Variants in PCDHGA11 observed in about 807,000 individuals in gnomAD.
The protein encoded by PCDHGA11 is protocadherin gamma subfamily A, 11.
Under a neutral mutation model 60.4 loss-of-function variants are expected in PCDHGA11, and 39 were observed. The observed-to-expected ratio is 0.65, with a 90% confidence interval of 0.50 to 0.84. The LOEUF is 0.84. PCDHGA11 is among the 40% of genes least tolerant of loss of function. The pLI, the probability that PCDHGA11 is intolerant of heterozygous loss-of-function variation, is 0.00. For missense variants in PCDHGA11, 1,165 were observed against 1,197.7 expected (o/e 0.97, Z 0.40); for synonymous variants, 533 against 510.3 (o/e 1.04, Z -0.60).
At chr5:141,450,829 A>ATTAT (rs1554136902) in intron 1 of PCDHGA11, among the ~76,000 whole-genome samples, 14 of 135,142 alleles carry the variant, frequency 1.0e-4, no homozygotes, top group African/African-American at 3.3e-4. Context: ...TATTATTATT[A>ATTAT]TTTTTTTTTT....
intron 1 of PCDHGA11, among the ~76,000 whole-genome samples, chr5:141,488,938 A>T (rs1195859645): frequency 6.6e-6 from 1 of 152,154 alleles, no homozygotes; most frequent in East Asian, 1.9e-4. Context: ...AGGAAACTCC[A>T]TAATTGGTTG....
chr5:141,427,370 G>A (rs915167509), intron 1 of PCDHGA11: 17 of 457,836 alleles, frequency 3.7e-5, no homozygotes, highest in African/African-American at 2.4e-4. Flanking sequence ...AACCCTGGAC[G>A]GTGATCACTC....
At chr5:141,470,383 G>A (rs569789033) in intron 1 of PCDHGA11, among the ~76,000 whole-genome samples, 7 of 152,246 alleles carry the variant, frequency 4.6e-5, no homozygotes, top group South Asian at 2.1e-4. Context: ...AAGACTACTC[G>A]ATGATATTTA....
chr5:141,441,126 C>A (rs1319809408), intron 1 of PCDHGA11: 2 of 152,062 alleles, frequency 1.3e-5, no homozygotes, highest in Admixed American at 1.3e-4. Context: ...CAGTTGAGAC[C>A]GAATTTCTAG....
At position 141,431,118 on chromosome 5, in the gene PCDHGA11, A is replaced by C; in HGVS notation, c.2433+7458A>C. On this transcript the variant is annotated intron_variant, in intron 1 of 3. Coordinates refer to ENST00000398587, the MANE Select transcript of PCDHGA11 (RefSeq NM_018914.3). The surrounding 1 kb of genome is among the most constrained non-coding windows in gnomAD (Gnocchi z 4.8). ...GATAAAGTGAAAATATATGGAGTAG[A>C]AGTAGAAGTAAGGGACATTAACGAC... 6.2e-7 allele frequency: 1 copy of C among 1,614,182 alleles called. No individual in the cohort carries two copies. Among genetic ancestry groups the C allele is most frequent in the Non-Finnish European group, 8.5e-7 (1 of 1,179,974 alleles).
rs150692324 is a variant in PCDHGA11 at position 141,431,149 on chromosome 5, G to T, written c.2433+7489G>T. 1.2e-6 allele frequency: 2 copies of T among 1,614,210 alleles called. No homozygotes were observed. Among genetic ancestry groups the T allele is most frequent in the Non-Finnish European group, 1.7e-6 (2 of 1,180,020 alleles). ...AAGTAAGGGACATTAACGACAATGC[G>T]CCTTACTTTCGTGAAAGTGAATTAG... On this transcript the variant is annotated intron_variant, in intron 1 of 3. Coordinates refer to ENST00000398587, the MANE Select transcript of PCDHGA11 (RefSeq NM_018914.3). This position sits in a 1 kb window ranked among gnomAD's most constrained non-coding sequence, Gnocchi z 4.8.
chr5:141,432,250 A>C lies in PCDHGA11; in HGVS notation c.2433+8590A>C, dbSNP rs777728825. ...ATTCCCTGGCTGAGAACACCATCCA[A>C]GGGGCAAGCCTATCGTCCTACGTGT... On this transcript the variant is annotated intron_variant, in intron 1 of 3. Coordinates refer to ENST00000398587, the MANE Select transcript of PCDHGA11 (RefSeq NM_018914.3). This position sits in a 1 kb window ranked among gnomAD's most constrained non-coding sequence, Gnocchi z 6.0. 2 of 1,614,116 alleles carry C rather than the reference A, an allele frequency of 1.2e-6. No homozygotes were observed. The highest frequency in any genetic ancestry group is 1.7e-6 in the Non-Finnish European group (2 of 1,180,062).
intron 1 of PCDHGA11, among the ~76,000 whole-genome samples, chr5:141,484,795 C>T (rs1265916821): frequency 6.6e-6 from 1 of 151,784 alleles, no homozygotes; most frequent in African/African-American, 2.4e-5. Context: ...AGATAACAAC[C>T]CGTGGAAAAA....
At chr5:141,464,418 T>C (rs1244881278) in intron 1 of PCDHGA11, among the ~76,000 whole-genome samples, 2 of 151,652 alleles carry the variant, frequency 1.3e-5, no homozygotes, top group Non-Finnish European at 2.9e-5. Flanking sequence ...TATATATCTA[T>C]ATATATAGAT....
chr5:141,428,293 C>T, intron 1 of PCDHGA11: 1 of 716,436 alleles, frequency 1.4e-6, no homozygotes, highest in South Asian at 1.6e-5. Context: ...AGCAAAGCTG[C>T]AGATTTACCT....
rs2734872 is a variant in PCDHGA11 at position 141,474,454 on chromosome 5, C to T, written c.2434-20353C>T. On this transcript the variant is annotated intron_variant, in intron 1 of 3. Transcript: ENST00000398587. ...ACACTTTGAGTAGCAAGTGATTGGG[C>T]TATACTCTTTATTCTAAATTCTAAA... Among the ~76,000 whole-genome samples, 6 of 152,308 alleles carry T rather than the reference C, an allele frequency of 3.9e-5. No individual in the cohort carries two copies. The East Asian group carries it at 1.2e-3, about 29-fold the overall frequency.
chr5:141,470,652 C>T (rs923672818), intron 1 of PCDHGA11, among the ~76,000 whole-genome samples: 1 of 152,100 alleles, frequency 6.6e-6, no homozygotes, highest in African/African-American at 2.4e-5. Context: ...AAGGCCCCTA[C>T]CCTTTGGTTA....
rs2233605 is a variant in PCDHGA11 at position 141,490,412 on chromosome 5, C to A, written c.2434-4395C>A. ...GGTGAAGTGAGCCTTGATATCTCTC[C>A]GGACCTGCCATTTCAGATTAAGCCT... On this transcript the variant is annotated intron_variant, in intron 1 of 3. Transcript: ENST00000398587. This position sits in a 1 kb window ranked among gnomAD's most constrained non-coding sequence, Gnocchi z 5.4. 1.3e-4 allele frequency: 203 copies of A among 1,614,064 alleles called. 1 individual carries two copies. The highest frequency in any genetic ancestry group is 3.5e-4 in the South Asian group (32 of 91,086).
intron 1 of PCDHGA11, among the ~76,000 whole-genome samples, chr5:141,483,980 G>C (rs1379963326): frequency 2.0e-5 from 3 of 148,294 alleles, no homozygotes; most frequent in African/African-American, 7.5e-5. Flanking sequence ...CAAGGGAGTA[G>C]CTAGGTTGCT....
At position 141,485,656 on chromosome 5, in the gene PCDHGA11, T is replaced by C. The variant is rs147216126; in HGVS notation, c.2434-9151T>C. On this transcript the variant is annotated intron_variant, in intron 1 of 3. Coordinates refer to ENST00000398587, the MANE Select transcript of PCDHGA11 (RefSeq NM_018914.3). This position sits in a 1 kb window ranked among gnomAD's most constrained non-coding sequence, Gnocchi z 5.7. ...CGTTGGAAAAGGCTCAGGATGCAGA[T>C]GTGGGGAGCAATTCGATTAGCAGCT... 23 of 1,612,648 alleles carry C rather than the reference T, an allele frequency of 1.4e-5. No homozygotes were observed. The African/African-American group carries it at 2.8e-4, about 20-fold the overall frequency.
chr5:141,431,833 AAACTCT>A lies in PCDHGA11; in HGVS notation c.2433+8174_2433+8179del. The A allele has an allele frequency of 1.2e-6, 2 of 1,614,278 alleles. No homozygotes were observed. Among genetic ancestry groups the A allele is most frequent in the Non-Finnish European group, 1.7e-6 (2 of 1,180,044 alleles). ...CCTCTCTCGCCAGCTCGGTTCCCGA[AAACTCT>A]CCCAGAGGGACATTAATTGCCCTTT... is the stretch of plus-strand genomic sequence containing the variant. On this transcript the variant is annotated intron_variant, in intron 1 of 3. Transcript: ENST00000398587. This position sits in a 1 kb window ranked among gnomAD's most constrained non-coding sequence, Gnocchi z 4.8.
intron 1 of PCDHGA11, chr5:141,478,819 C>G (rs927315523): frequency 2.1e-6 from 3 of 1,447,842 alleles, no homozygotes; most frequent in Non-Finnish European, 2.7e-6. Context: ...CACAACTAAC[C>G]AATCTTGCTA....
intron 1 of PCDHGA11, chr5:141,439,815 T>C (rs1027862858): frequency 5.3e-5 from 8 of 152,314 alleles, no homozygotes; most frequent in African/African-American, 1.9e-4. Flanking sequence ...AAGGGGCTTA[T>C]TTGGGCTGGA....
intron 1 of PCDHGA11, chr5:141,427,624 C>T (rs2097051687): frequency 1.4e-6 from 1 of 698,516 alleles, no homozygotes; most frequent in South Asian, 1.5e-5. Context: ...AACGACAATG[C>T]TCCGGTTTTC....
Sources: allele counts gnomAD v4.1 joint callset (sites outside exome capture counted in the v4.1 genomes callset), GRCh38; gene constraint gnomAD v4.1.1; non-coding constraint Gnocchi (gnomAD v3.1); transcripts MANE v1.5; gene names NCBI Gene and HGNC (gene_info 2026-07-23, HGNC 2026-07-21).